PITPNC1: variants seen among roughly 807,000 people sequenced by gnomAD.
PITPNC1 encodes the protein phosphatidylinositol transfer protein cytoplasmic 1.
In PITPNC1, 18 loss-of-function variants were observed where a neutral mutation model predicts 44.7. The observed-to-expected ratio is 0.40, with a 90% CI of 0.28 to 0.60. PITPNC1 has a LOEUF of 0.60. Among genes scored for constraint, PITPNC1 ranks in the 20% least tolerant of loss-of-function variants. The pLI is 0.39. For synonymous variants in PITPNC1, 141 were observed against 149.6 expected (o/e 0.94, Z 0.42); for missense variants, 290 against 418.4 (o/e 0.69, Z 2.68).
intron 5 of PITPNC1, among the ~76,000 whole-genome samples, chr17:67,604,403 C>G (rs1276345599): frequency 6.6e-6 from 1 of 152,208 alleles, no homozygotes; most frequent in African/African-American, 2.4e-5. Context: ...CTTATGAAAG[C>G]AGATTCTCAG....
chr17:67,674,157 G>C (rs1394695714), intron 7 of PITPNC1, among the ~76,000 whole-genome samples: 2 of 151,998 alleles, frequency 1.3e-5, no homozygotes, highest in African/African-American at 4.8e-5. Context: ...TTTATCCTTT[G>C]TGTTACAAAG....
At chr17:67,624,677 A>G (rs1267782564) in intron 5 of PITPNC1, among the ~76,000 whole-genome samples, 1 of 152,018 alleles carries the variant, frequency 6.6e-6, no homozygotes, top group African/African-American at 2.4e-5. Flanking sequence ...ACCCGCCAAT[A>G]TGCCCAGCTG....
chr17:67,635,686 A>G (rs1294725859), intron 6 of PITPNC1, among the ~76,000 whole-genome samples: 2 of 152,318 alleles, frequency 1.3e-5, no homozygotes, highest in East Asian at 3.9e-4. Flanking sequence ...TTGAATCTAA[A>G]AGAATCAGGA....
rs1293279412 is a variant in PITPNC1 at position 67,675,465 on chromosome 17, C to G, written c.619-14C>G. 6.3e-7 allele frequency: 1 copy of G among 1,585,508 alleles called. No individual in the cohort carries two copies. The highest frequency in any genetic ancestry group is 2.2e-5 in the East Asian group (1 of 44,752). ...AAGATGCTATTATTTCAGTCTCCTT[C>G]TTTTACTTTTTAGGTGGTCCGAGAC... On this transcript the variant is annotated splice_polypyrimidine_tract_variant and intron_variant, in intron 7 of 8. Coordinates refer to ENST00000581322, the MANE Select transcript of PITPNC1 (RefSeq NM_012417.4).
chr17:67,387,021 A>G (rs1237911414), intron 1 of PITPNC1, among the ~76,000 whole-genome samples: 2 of 152,232 alleles, frequency 1.3e-5, no homozygotes, highest in East Asian at 1.9e-4. Context: ...GGACAAACCA[A>G]TCGTATCTGG....
At chr17:67,690,587 A>G (rs1193107019) in intron 8 of PITPNC1, among the ~76,000 whole-genome samples, 1 of 152,144 alleles carries the variant, frequency 6.6e-6, no homozygotes, top group Non-Finnish European at 1.5e-5. Flanking sequence ...TGAAGTTTCA[A>G]CTGCTAAGTA....
At chr17:67,684,437 G>GT (rs113320295) in intron 8 of PITPNC1, among the ~76,000 whole-genome samples, 15,643 of 146,782 alleles carry the variant, frequency 0.11, 1,099 homozygotes, top group African/African-American at 0.2. Context: ...CTTAAATAAT[G>GT]TTTTTTTTTT....
At chr17:67,479,373 G>A (rs548241267) in intron 1 of PITPNC1, among the ~76,000 whole-genome samples, 2 of 152,276 alleles carry the variant, frequency 1.3e-5, no homozygotes, top group Admixed American at 6.5e-5. Context: ...TCCCTTTTCC[G>A]CTTTACCATG....
chr17:67,432,346 G>T (rs2143898283), intron 1 of PITPNC1, among the ~76,000 whole-genome samples: 1 of 152,110 alleles, frequency 6.6e-6, no homozygotes, highest in East Asian at 1.9e-4. Context: ...AAATTAGCCG[G>T]GCGTGGTGGT....
At chr17:67,668,022 A>C (rs1300898506) in intron 6 of PITPNC1, among the ~76,000 whole-genome samples, 1 of 152,106 alleles carries the variant, frequency 6.6e-6, no homozygotes, top group Non-Finnish European at 1.5e-5. Flanking sequence ...TGTTTTTTTC[A>C]TTCTTGTAAT....
chr17:67,392,230 G>A (rs1419841937), intron 1 of PITPNC1, among the ~76,000 whole-genome samples: 1 of 152,102 alleles, frequency 6.6e-6, no homozygotes, highest in South Asian at 2.1e-4. Flanking sequence ...TAAGCAAATT[G>A]GAAGGTATTA....
In PITPNC1 at chr17:67,526,187, A is replaced by AC. The variant is rs779212645; in HGVS notation, c.49-6610dup. Among the ~76,000 whole-genome samples the AC allele has an allele frequency of 8.9e-4, 136 of 152,070 alleles. 1 individual carries two copies. Among genetic ancestry groups the AC allele is most frequent in the South Asian group, 1.0e-3 (5 of 4,816 alleles). Reference sequence around the variant, plus strand: ...ATAGAGATTGGTTGGTAGGAAGATGACCCCCACTAGGTGCTTTAGGGTAGG... The same window carrying AC: ...ATAGAGATTGGTTGGTAGGAAGATGACCCCCCACTAGGTGCTTTAGGGTAGG... On this transcript the variant is annotated intron_variant, in intron 1 of 8. Transcript: ENST00000581322.
chr17:67,410,489 T>A (rs1049396902), intron 1 of PITPNC1, among the ~76,000 whole-genome samples: 1 of 152,054 alleles, frequency 6.6e-6, no homozygotes, highest in Non-Finnish European at 1.5e-5. Context: ...TCCCGAGTGA[T>A]CCTCCCACCT....
chr17:67,430,478 ACT>A (rs34524066), intron 1 of PITPNC1, among the ~76,000 whole-genome samples: 27,312 of 151,038 alleles, frequency 0.18, 2,736 homozygotes, highest in Middle Eastern at 0.32. Flanking sequence ...ACAGAACAAG[ACT>A]CTGTCTCAAA....
At chr17:67,682,697 G>C (rs2042733077) in intron 8 of PITPNC1, among the ~76,000 whole-genome samples, 1 of 152,152 alleles carries the variant, frequency 6.6e-6, no homozygotes, top group Non-Finnish European at 1.5e-5. Flanking sequence ...TACCGTACCA[G>C]TTGCAATATT....
intron 1 of PITPNC1, among the ~76,000 whole-genome samples, chr17:67,476,745 A>C (rs899266746): frequency 5.9e-5 from 9 of 152,054 alleles, no homozygotes; most frequent in Non-Finnish European, 8.8e-5. Context: ...TCCACCTCCC[A>C]AAGTTCTGGC....
In PITPNC1 at chr17:67,669,560, G is replaced by A; in HGVS notation, c.515G>A (p.Gly172Asp). The part of the protein sequence containing the change: ...EKTGRGQLRE[G>D]WRDSHQPIMC... Reference sequence around the variant, plus strand: ...ACAGGACGGGGACAGTTGAGGGAAGGCTGGAGAGATAGTCATCAGCCTATC... The same window carrying A: ...ACAGGACGGGGACAGTTGAGGGAAGACTGGAGAGATAGTCATCAGCCTATC... The change falls in exon 7 of 9, where the codon GGC becomes GAC. Residue 172 changes from glycine (G) to aspartate (D), a missense_variant. Coordinates refer to ENST00000581322, the MANE Select transcript of PITPNC1 (RefSeq NM_012417.4). The A allele has an allele frequency of 1.2e-6, 2 of 1,610,712 alleles. No individual in the cohort carries two copies. Among genetic ancestry groups the A allele is most frequent in the Non-Finnish European group, 1.7e-6 (2 of 1,177,946 alleles).
In PITPNC1 at chr17:67,377,409, G is replaced by GCCTT. The variant is rs1247230174; in HGVS notation, c.-745_-744insCTTC. 6.6e-6 allele frequency: 1 copy of GCCTT among 152,582 alleles called. No individual in the cohort carries two copies. The highest frequency in any genetic ancestry group is 1.5e-5 in the Non-Finnish European group (1 of 67,988). The allele number at this position is 152,582 out of a possible 1,614,324, so 9.5% of individuals were successfully genotyped here. On this transcript the variant is annotated 5_prime_UTR_variant, in exon 1 of 9. Coordinates refer to ENST00000581322, the MANE Select transcript of PITPNC1 (RefSeq NM_012417.4). ...GAGGGACTCGGGGGAGGGGACGCGC[G>GCCTT]CGGAAGGCGCCAGCTTCCTCCCGCC...
intron 1 of PITPNC1, among the ~76,000 whole-genome samples, chr17:67,444,798 G>T (rs2039070796): frequency 6.6e-6 from 1 of 152,024 alleles, no homozygotes; most frequent in Non-Finnish European, 1.5e-5. Flanking sequence ...TCGGGAGGCT[G>T]AGGCAGGAGA....
Sources: allele counts gnomAD v4.1 joint callset (sites outside exome capture counted in the v4.1 genomes callset), GRCh38; gene constraint gnomAD v4.1.1; transcripts MANE v1.5; gene names NCBI Gene and HGNC (gene_info 2026-07-23, HGNC 2026-07-21).